Variants in LRRC1 observed in about 807,000 individuals in gnomAD.
LRRC1 encodes the protein leucine rich repeat containing 1.
A neutral mutation model predicts 69.9 loss-of-function variants in LRRC1; 28 were observed. That is an observed-to-expected ratio of 0.40 (90% CI 0.30 to 0.55). The LOEUF (loss-of-function observed/expected upper bound fraction) is 0.55. Among genes scored for constraint, LRRC1 ranks in the 20% least tolerant of loss-of-function variants. The probability of loss-of-function intolerance (pLI) is 0.47; values close to 1 mark genes in which losing one functional copy is unlikely to be tolerated. For synonymous variants in LRRC1, 236 were observed against 240.2 expected (o/e 0.98, Z 0.16); for missense variants, 498 against 609.0 (o/e 0.82, Z 1.92).
intron 2 of LRRC1, among the ~76,000 whole-genome samples, chr6:53,878,228 T>C (rs1485155579): frequency 6.6e-6 from 1 of 152,220 alleles, no homozygotes; most frequent in Admixed American, 6.5e-5. Context: ...GAATTCAAGA[T>C]GAGATTTGGG....
chr6:53,851,355 C>T (rs560574879), intron 2 of LRRC1, among the ~76,000 whole-genome samples: 3 of 152,102 alleles, frequency 2.0e-5, no homozygotes, highest in African/African-American at 7.2e-5. Flanking sequence ...GGTGTAATTC[C>T]AGTCTGAGTC....
intron 3 of LRRC1, among the ~76,000 whole-genome samples, chr6:53,879,430 C>T (rs1312465959): frequency 6.6e-6 from 1 of 152,092 alleles, no homozygotes; most frequent in African/African-American, 2.4e-5. Context: ...GGACTACAGG[C>T]ACCCGCCACC....
At position 53,831,409 on chromosome 6, in the gene LRRC1, G is replaced by A. The variant is rs575834260; in HGVS notation, c.160-10701G>A. On this transcript the variant is annotated intron_variant, in intron 1 of 13. Transcript: ENST00000370888. ...TTCTATTGCTTGACCATACCCTCCC[G>A]CCCCTTTTGGAAAAGTGCTTTGGCA... Among the ~76,000 whole-genome samples, 23 of 152,092 alleles carry A rather than the reference G, an allele frequency of 1.5e-4. No individual in the cohort carries two copies. In the South Asian group the frequency reaches 3.3e-3, roughly 22 times the overall value.
intron 2 of LRRC1, among the ~76,000 whole-genome samples, chr6:53,873,346 C>T (rs957473866): frequency 6.7e-6 from 1 of 149,768 alleles, no homozygotes; most frequent in Non-Finnish European, 1.5e-5. Context: ...GGCTACTGTG[C>T]AGTGGTGCGA....
At chr6:53,887,694 A>G (rs1003834542) in intron 4 of LRRC1, among the ~76,000 whole-genome samples, 1 of 152,194 alleles carries the variant, frequency 6.6e-6, no homozygotes, top group Middle Eastern at 3.4e-3. Context: ...CTCATAATGA[A>G]CACATTAGTG....
At chr6:53,875,590 G>A (rs7774173) in intron 2 of LRRC1, among the ~76,000 whole-genome samples, 128,799 of 151,980 alleles carry the variant, frequency 0.85, 54,659 homozygotes, top group East Asian at 0.96. Flanking sequence ...TTGTAATCAG[G>A]AAAAAAATCG....
chr6:53,823,690 C>G (rs1316335239), intron 1 of LRRC1, among the ~76,000 whole-genome samples: 1 of 152,104 alleles, frequency 6.6e-6, no homozygotes, highest in African/African-American at 2.4e-5. Flanking sequence ...TCTATTGTTA[C>G]CCTTTGTGTG....
intron 11 of LRRC1, among the ~76,000 whole-genome samples, chr6:53,915,662 C>G (rs546403857): frequency 6.6e-6 from 1 of 152,228 alleles, no homozygotes; most frequent in South Asian, 2.1e-4. Flanking sequence ...CTCCAGTTCT[C>G]AGAAAAAGAG....
chr6:53,827,164 T>C (rs1269504509), intron 1 of LRRC1, among the ~76,000 whole-genome samples: 1 of 152,168 alleles, frequency 6.6e-6, no homozygotes, highest in African/African-American at 2.4e-5. Flanking sequence ...GATTTGGTTC[T>C]TTCTCTTCTG....
intron 1 of LRRC1, among the ~76,000 whole-genome samples, chr6:53,796,762 T>C (rs1398499752): frequency 6.6e-6 from 1 of 152,190 alleles, no homozygotes; most frequent in East Asian, 1.9e-4. Context: ...TTATTTAGCT[T>C]AGAAGCAGCA....
intron 9 of LRRC1, among the ~76,000 whole-genome samples, chr6:53,903,028 C>T (rs1581912172): frequency 6.6e-6 from 1 of 152,278 alleles, no homozygotes; most frequent in East Asian, 1.9e-4. Context: ...AAGCTACTCT[C>T]GTTGGATGTG....
intron 4 of LRRC1, among the ~76,000 whole-genome samples, chr6:53,893,446 T>G (rs1767767130): frequency 6.6e-6 from 1 of 152,140 alleles, no homozygotes; most frequent in Non-Finnish European, 1.5e-5. Flanking sequence ...TTAAATAGTT[T>G]AAAATAATTG....
At chr6:53,873,289 C>CTTTTTTTT (rs57201410) in intron 2 of LRRC1, among the ~76,000 whole-genome samples, 4 of 136,806 alleles carry the variant, frequency 2.9e-5, no homozygotes, top group Non-Finnish European at 6.3e-5. Flanking sequence ...ACCGATTTTT[C>CTTTTTTTT]TTTTTTTTTT....
chr6:53,891,747 G>A (rs1767690600), intron 4 of LRRC1, among the ~76,000 whole-genome samples: 1 of 151,984 alleles, frequency 6.6e-6, no homozygotes, highest in Non-Finnish European at 1.5e-5. Flanking sequence ...CTTTGGGCAG[G>A]CCTAGGTAGG....
intron 1 of LRRC1, among the ~76,000 whole-genome samples, chr6:53,804,027 G>A (rs1413837656): frequency 2.0e-5 from 3 of 152,228 alleles, no homozygotes. Flanking sequence ...TGTGGGCTCT[G>A]ACTGCTTGAC....
intron 1 of LRRC1, among the ~76,000 whole-genome samples, chr6:53,825,549 G>A (rs1765231190): frequency 6.6e-6 from 1 of 152,168 alleles, no homozygotes; most frequent in Admixed American, 6.5e-5. Flanking sequence ...TTGGGTTCCT[G>A]GGGTTGTAGA....
chr6:53,812,310 G>A (rs1447270144), intron 1 of LRRC1, among the ~76,000 whole-genome samples: 1 of 152,172 alleles, frequency 6.6e-6, no homozygotes, highest in Non-Finnish European at 1.5e-5. Flanking sequence ...GTGACTGACT[G>A]GATTTGAAGC....
chr6:53,871,957 C>T (rs888489735), intron 2 of LRRC1, among the ~76,000 whole-genome samples: 2 of 152,114 alleles, frequency 1.3e-5, no homozygotes, highest in Non-Finnish European at 2.9e-5. Context: ...TATGAGCTAC[C>T]GCCCCTGGCC....
chr6:53,879,174 G>A, intron 3 of LRRC1, 103 bp downstream of exon 3: 2 of 702,468 alleles, frequency 2.8e-6, no homozygotes, highest in Non-Finnish European at 5.0e-6. Flanking sequence ...GTACCTAGAT[G>A]GATCACTGTC....
Sources: gnomAD v4.1 joint callset for allele counts (sites outside exome capture counted in the v4.1 genomes callset) on GRCh38, gnomAD v4.1.1 for gene constraint, MANE v1.5 for transcripts, NCBI Gene and HGNC (gene_info 2026-07-23, HGNC 2026-07-21) for gene names.